NEMP2: variants seen among roughly 807,000 people sequenced by gnomAD.
The protein encoded by NEMP2 is nuclear envelope integral membrane protein 2, also known as UPF0571 transmembrane protein.
NEMP2 carries 53 observed loss-of-function variants against 54.2 expected under a neutral mutation model. The ratio of observed to expected loss-of-function variants is 0.98; its 90% CI spans 0.78 to 1.23. The LOEUF is 1.23. Among genes scored for constraint, NEMP2 ranks in the 50% most tolerant of loss-of-function variants. The pLI, the probability that NEMP2 is intolerant of heterozygous loss-of-function variation, is 0.00. For synonymous variants in NEMP2, 197 were observed against 190.3 expected (o/e 1.04, Z -0.29); for missense variants, 455 against 511.3 (o/e 0.89, Z 1.06).
chr2:190,636,213 T>C, the NEMP2 span, among the ~76,000 whole-genome samples: 1 of 152,220 alleles, frequency 6.6e-6, no homozygotes, highest in South Asian at 2.1e-4. Flanking sequence ...ACTGATCTGA[T>C]GAATGGATGA....
At chr2:190,537,406 AG>A (rs1691412133), upstream of NEMP2, among the ~76,000 whole-genome samples, 1 of 152,136 alleles carries the variant, frequency 6.6e-6, no homozygotes, top group South Asian at 2.1e-4. Flanking sequence ...TTCTTATGCT[AG>A]TGAGTGAGTT....
At chr2:190,458,062 T>C in the NEMP2 span, among the ~76,000 whole-genome samples, 1 of 152,160 alleles carries the variant, frequency 6.6e-6, no homozygotes, top group Non-Finnish European at 1.5e-5. The surrounding 1 kb of genome is among the most constrained non-coding windows in gnomAD (Gnocchi z 5.3). Flanking sequence ...CTGCCAGCGG[T>C]GTCACACACT....
At chr2:190,490,674 A>G in the NEMP2 span, among the ~76,000 whole-genome samples, 1 of 152,246 alleles carries the variant, frequency 6.6e-6, no homozygotes, top group Non-Finnish European at 1.5e-5. This position sits in a 1 kb window ranked among gnomAD's most constrained non-coding sequence, Gnocchi z 4.5. Context: ...GTTATATCAA[A>G]TATTAATATG....
chr2:190,437,519 A>AT, the NEMP2 span: 1 of 1,613,990 alleles, frequency 6.2e-7, no homozygotes, highest in South Asian at 1.1e-5. This position sits in a 1 kb window ranked among gnomAD's most constrained non-coding sequence, Gnocchi z 5.9. Context: ...CTGACAGCAT[A>AT]TTTTTTTAGT....
At chr2:190,608,260 A>G in the NEMP2 span, 1 of 152,220 alleles carries the variant, frequency 6.6e-6, no homozygotes, top group African/African-American at 2.4e-5. This position sits in a 1 kb window ranked among gnomAD's most constrained non-coding sequence, Gnocchi z 4.9. Context: ...GTGCGAGAGT[A>G]GTGATGCTGG....
intron 1 of NEMP2, among the ~76,000 whole-genome samples, chr2:190,532,674 G>A (rs1430080829): frequency 5.9e-5 from 9 of 152,182 alleles, no homozygotes; most frequent in Non-Finnish European, 1.2e-4. Flanking sequence ...TTTAGAACAG[G>A]AAGGCACCTT....
chr2:190,534,698 C>T lies in NEMP2; in HGVS notation c.-43G>A, dbSNP rs1044866524. 17 of 1,233,582 alleles carry T rather than the reference C, an allele frequency of 1.4e-5. No individual in the cohort carries two copies. The highest frequency in any genetic ancestry group is 1.6e-5 in the African/African-American group (1 of 64,062). The allele number at this position is 1,233,582 out of a possible 1,614,324, so 76.4% of individuals were successfully genotyped here. The stretch of plus-strand genomic sequence containing the variant: ...CCGTGCGACCCGAGCCCTAGGGGAC[C>T]GGCTCCGCTGCGAGGAGCGGAAGTG... On this transcript the variant is annotated 5_prime_UTR_variant, in exon 1 of 9. Coordinates refer to ENST00000409150, the MANE Select transcript of NEMP2 (RefSeq NM_001142645.2).
Position 190,507,551 on chromosome 2 carries a change from C to CTAT in NEMP2, c.*1635_*1637dup, listed in dbSNP as rs545818504. 84 of 152,222 alleles carry CTAT rather than the reference C, an allele frequency of 5.5e-4. No individual in the cohort carries two copies. The highest frequency in any genetic ancestry group is 1.9e-3 in the African/African-American group (78 of 41,540). 9.4% of individuals were successfully genotyped at this position (152,222 alleles called of 1,614,324 possible). On this transcript the variant is annotated 3_prime_UTR_variant, in exon 9 of 9. Transcript: ENST00000409150. This position sits in a 1 kb window ranked among gnomAD's most constrained non-coding sequence, Gnocchi z 4.4. ...AACCATAAGAAAAATATTCAAACTTCTATTTACTCATAAAATAGTTACCAT... is the reference window on the plus strand; with the variant it reads ...AACCATAAGAAAAATATTCAAACTTCTATTATTTACTCATAAAATAGTTACCAT...
chr2:190,584,041 A>G, the NEMP2 span, among the ~76,000 whole-genome samples: 1 of 152,300 alleles, frequency 6.6e-6, no homozygotes, highest in African/African-American at 2.4e-5. This position sits in a 1 kb window ranked among gnomAD's most constrained non-coding sequence, Gnocchi z 4.2. Flanking sequence ...AGCTAGCAGT[A>G]GTAGTACAAA....
chr2:190,616,101 A>G, the NEMP2 span, among the ~76,000 whole-genome samples: 1 of 152,202 alleles, frequency 6.6e-6, no homozygotes, highest in African/African-American at 2.4e-5. The surrounding 1 kb of genome is among the most constrained non-coding windows in gnomAD (Gnocchi z 5.1). Context: ...AGTTCCTGCC[A>G]CTTCAAGACT....
chr2:190,544,930 CA>C, the NEMP2 span, among the ~76,000 whole-genome samples: 34,140 of 90,906 alleles, frequency 0.38, 4,595 homozygotes, highest in African/African-American at 0.47. Context: ...TCTACCCCCG[CA>C]AAAAAAAAAA....
chr2:190,430,997 T>G, the NEMP2 span, among the ~76,000 whole-genome samples: 4 of 142,044 alleles, frequency 2.8e-5, no homozygotes, highest in African/African-American at 1.1e-4. Context: ...ATGGGGCAGC[T>G]GGGCAGAGAC....
upstream of NEMP2, among the ~76,000 whole-genome samples, chr2:190,538,127 C>T (rs1160186545): frequency 1.3e-5 from 2 of 152,192 alleles, no homozygotes; most frequent in Non-Finnish European, 2.9e-5. This position sits in a 1 kb window ranked among gnomAD's most constrained non-coding sequence, Gnocchi z 4.1. Flanking sequence ...TTCAACCCCT[C>T]CCACCATCCC....
At chr2:190,540,264 A>C in the NEMP2 span, among the ~76,000 whole-genome samples, 1 of 148,322 alleles carries the variant, frequency 6.7e-6, no homozygotes, top group Non-Finnish European at 1.5e-5. Flanking sequence ...CCTTGGATGA[A>C]TTCCACTTGA....
chr2:190,544,720 A>C, the NEMP2 span, among the ~76,000 whole-genome samples: 1 of 152,154 alleles, frequency 6.6e-6, no homozygotes, highest in Non-Finnish European at 1.5e-5. Context: ...GCAAAGTTGA[A>C]CAAATACAGT....
rs1691297428 is a variant in NEMP2 at position 190,534,581 on chromosome 2, C to T, written c.75G>A (p.Glu25=). 12 of 1,400,034 alleles carry T rather than the reference C, an allele frequency of 8.6e-6. No individual in the cohort carries two copies. Among genetic ancestry groups the T allele is most frequent in the Non-Finnish European group, 1.0e-5 (11 of 1,082,290 alleles). 86.7% of individuals were successfully genotyped at this position (1,400,034 alleles called of 1,614,324 possible). Residue 25 remains glutamate (E), a synonymous_variant, in exon 1 of 9, where the codon GAG becomes GAA. Transcript: ENST00000409150. ...PPLATLPVRG[E]AAAAALSVRR... The stretch of plus-strand genomic sequence containing the variant: ...TACCTGATAACGCTGCCGCCGCCGC[C>T]TCCCCGCGCACGGGCAGTGTGGCCA...
chr2:190,500,321 C>CA (rs1559148664), downstream of NEMP2: 1 of 1,163,718 alleles, frequency 8.6e-7, no homozygotes, highest in East Asian at 2.5e-5. This position sits in a 1 kb window ranked among gnomAD's most constrained non-coding sequence, Gnocchi z 5.3. Context: ...AGGAGCACAG[C>CA]ACTGCATATG....
the NEMP2 span, among the ~76,000 whole-genome samples, chr2:190,432,925 T>G: frequency 6.6e-6 from 1 of 151,286 alleles, no homozygotes; most frequent in Non-Finnish European, 1.5e-5. Context: ...AGCTAACTCA[T>G]GAGCCTTTCA....
At position 190,505,335 on chromosome 2, in the gene NEMP2, T is replaced by G. The variant is rs191309640; in HGVS notation, c.*3854A>C. ...TACCTTCTCTGGGTCTTTCCTCATC[T>G]GTAAAATGAAAATACCAAAACATAT... is the stretch of plus-strand genomic sequence containing the variant. On this transcript the variant is annotated 3_prime_UTR_variant, in exon 9 of 9. Coordinates refer to ENST00000409150, the MANE Select transcript of NEMP2 (RefSeq NM_001142645.2). This position sits in a 1 kb window ranked among gnomAD's most constrained non-coding sequence, Gnocchi z 5.8. 1 of 152,330 alleles carries G rather than the reference T, an allele frequency of 6.6e-6. No individual in the cohort carries two copies. Among genetic ancestry groups the G allele is most frequent in the East Asian group, 1.9e-4 (1 of 5,186 alleles). The allele number at this position is 152,330 out of a possible 1,614,324, so 9.4% of individuals were successfully genotyped here.
Sources: gnomAD v4.1 joint callset for allele counts (sites outside exome capture counted in the v4.1 genomes callset) on GRCh38, gnomAD v4.1.1 for gene constraint, Gnocchi (gnomAD v3.1) non-coding constraint, MANE v1.5 for transcripts, NCBI Gene and HGNC (gene_info 2026-07-23, HGNC 2026-07-21) for gene names.